Variants in ZMAT4 observed in about 807,000 individuals in gnomAD.
The protein encoded by ZMAT4 is zinc finger matrin-type protein 4.
A neutral mutation model predicts 28.7 loss-of-function variants in ZMAT4; 17 were observed. The ratio of observed to expected loss-of-function variants is 0.59; its 90% CI spans 0.41 to 0.89. The LOEUF (loss-of-function observed/expected upper bound fraction) is 0.89, where lower values mean the gene tolerates loss of function less well. Among genes scored for constraint, ZMAT4 ranks in the 40% least tolerant of loss-of-function variants. The pLI is 0.00. For missense variants in ZMAT4, 240 were observed against 283.8 expected (o/e 0.85, Z 1.11); for synonymous variants, 117 against 109.2 (o/e 1.07, Z -0.44).
intron 3 of ZMAT4, among the ~76,000 whole-genome samples, chr8:40,739,489 A>G (rs1430290366): frequency 6.6e-6 from 1 of 152,106 alleles, no homozygotes; most frequent in African/African-American, 2.4e-5. Context: ...GATTCTGGAA[A>G]TTCTTTAATT....
chr8:40,828,385 C>T (rs1245679621), intron 1 of ZMAT4, among the ~76,000 whole-genome samples: 1 of 152,068 alleles, frequency 6.6e-6, no homozygotes, highest in African/African-American at 2.4e-5. Flanking sequence ...ATAGGAATCT[C>T]CAAACTCACT....
intron 1 of ZMAT4, among the ~76,000 whole-genome samples, chr8:40,893,275 G>A (rs1249453725): frequency 3.3e-5 from 5 of 152,172 alleles, no homozygotes; most frequent in Admixed American, 6.5e-5. Context: ...TGCAGGCTCC[G>A]AGAGCTTCCA....
intron 5 of ZMAT4, among the ~76,000 whole-genome samples, chr8:40,624,695 G>A (rs1462092879): frequency 6.6e-6 from 1 of 152,090 alleles, no homozygotes; most frequent in African/African-American, 2.4e-5. Flanking sequence ...TCCTGCCTAG[G>A]ACTAAAGGAT....
At chr8:40,685,053 T>C (rs1468393859) in intron 4 of ZMAT4, among the ~76,000 whole-genome samples, 1 of 152,220 alleles carries the variant, frequency 6.6e-6, no homozygotes, top group Non-Finnish European at 1.5e-5. Flanking sequence ...ATATTAGTTA[T>C]GCATATATTT....
chr8:40,797,106 C>A (rs1312220271), intron 2 of ZMAT4, among the ~76,000 whole-genome samples: 2 of 152,178 alleles, frequency 1.3e-5, no homozygotes, highest in African/African-American at 4.8e-5. Flanking sequence ...GTGCCATCCA[C>A]CTGGAGTGTC....
chr8:40,639,792 ACAC>A lies in ZMAT4; in HGVS notation c.577+34909_577+34911del, dbSNP rs1299078220. 3.9e-5 allele frequency among the ~76,000 whole-genome samples: 6 copies of A among 152,010 alleles called. No individual in the cohort carries two copies. The East Asian group carries it at 1.2e-3, about 29-fold the overall frequency. ...TTGTTACACACACACACACACACAC[ACAC>A]ACACACATTCTTTGTATATATTCTA... On this transcript the variant is annotated intron_variant, in intron 5 of 6. Transcript: ENST00000297737.
chr8:40,839,814 G>A (rs1381322464), intron 1 of ZMAT4, among the ~76,000 whole-genome samples: 1 of 152,238 alleles, frequency 6.6e-6, no homozygotes, highest in Non-Finnish European at 1.5e-5. Flanking sequence ...TTGGAAGAGT[G>A]AGGGGGTGGA....
intron 3 of ZMAT4, among the ~76,000 whole-genome samples, chr8:40,732,702 G>A (rs1042905889): frequency 5.3e-5 from 8 of 152,160 alleles, no homozygotes; most frequent in Non-Finnish European, 5.9e-5. Flanking sequence ...ACGTTATGGG[G>A]TAGGCCTTCA....
intron 5 of ZMAT4, among the ~76,000 whole-genome samples, chr8:40,589,979 T>TCCTTCCTTCCTTCCTCCCTC (rs1804830780): frequency 1.8e-5 from 1 of 55,516 alleles, no homozygotes; most frequent in Non-Finnish European, 3.5e-5. Context: ...CTCCCTTCCT[T>TCCTTCCTTCCTTCCTCCCTC]CCTTCCTTCC....
At chr8:40,769,840 C>T (rs1196891102) in intron 2 of ZMAT4, among the ~76,000 whole-genome samples, 10 of 150,788 alleles carry the variant, frequency 6.6e-5, no homozygotes, top group Non-Finnish European at 1.0e-4. Flanking sequence ...AAAAGACCTT[C>T]TAGTAAAGGC....
chr8:40,858,602 T>C (rs968316474), intron 1 of ZMAT4, among the ~76,000 whole-genome samples: 3 of 152,178 alleles, frequency 2.0e-5, no homozygotes, highest in African/African-American at 7.2e-5. Flanking sequence ...CCCAGAGGAA[T>C]GACTAACTGG....
At chr8:40,786,545 G>C (rs941010372) in intron 2 of ZMAT4, 40 of 436,686 alleles carry the variant, frequency 9.2e-5, no homozygotes, top group Admixed American at 3.1e-4. Flanking sequence ...GGAATGTGAA[G>C]TATTTTGGTT....
chr8:40,873,225 G>A (rs1216397701), intron 1 of ZMAT4, among the ~76,000 whole-genome samples: 2 of 152,202 alleles, frequency 1.3e-5, no homozygotes, highest in African/African-American at 4.8e-5. Flanking sequence ...ACTGCCACAT[G>A]TGCACAGAAA....
At chr8:40,746,259 CCCTCCCTT>C (rs1812216736) in intron 3 of ZMAT4, among the ~76,000 whole-genome samples, 2 of 35,868 alleles carry the variant, frequency 5.6e-5, no homozygotes, top group South Asian at 1.2e-3. Context: ...CTCCCTCCCT[CCCTCCCTT>C]CCTTCCTTTC....
intron 1 of ZMAT4, among the ~76,000 whole-genome samples, chr8:40,881,433 GAGAAAGAAAGAAAGAAAGAAAGAAAGAA>G (rs35018481): frequency 4.4e-4 from 31 of 70,316 alleles, no homozygotes; most frequent in South Asian, 2.1e-3. Context: ...AGAAGAAAGA[GAGAAAGAAAGAAAGAAAGAAAGAAAGAA>G]AGAAAGAAAG....
rs1186607940 is a variant in ZMAT4, at chr8:40,879,727, A to G, written c.-5+17956T>C. Reference sequence around the variant, plus strand: ...TATAAAGAAGAAAACAAAAATCATCAATCATCTTACCATCCAGAGAGAATC... The same window carrying G: ...TATAAAGAAGAAAACAAAAATCATCGATCATCTTACCATCCAGAGAGAATC... On this transcript the variant is annotated intron_variant, in intron 1 of 6. Transcript: ENST00000297737. Among the ~76,000 whole-genome samples, 4 of 152,326 alleles carry G rather than the reference A, an allele frequency of 2.6e-5. No homozygotes were observed. The East Asian group carries it at 7.7e-4, about 29-fold the overall frequency.
intron 1 of ZMAT4, among the ~76,000 whole-genome samples, chr8:40,886,085 T>C (rs17648614): frequency 0.082 from 12,407 of 152,222 alleles, 564 homozygotes; most frequent in Admixed American, 0.12. Context: ...TGTCAAAAGC[T>C]CATATCTCCT....
chr8:40,550,159 G>A (rs925290853), intron 6 of ZMAT4, among the ~76,000 whole-genome samples: 12 of 152,104 alleles, frequency 7.9e-5, no homozygotes, highest in Admixed American at 5.2e-4. Context: ...CCCAGACCAT[G>A]AATGCAGCAG....
intron 3 of ZMAT4, among the ~76,000 whole-genome samples, chr8:40,716,748 C>T (rs1810872717): frequency 6.6e-6 from 1 of 152,116 alleles, no homozygotes; most frequent in Admixed American, 6.6e-5. Context: ...AATGTCTCGC[C>T]CTCTAGCAGG....
Sources: allele counts gnomAD v4.1 joint callset (sites outside exome capture counted in the v4.1 genomes callset), GRCh38; gene constraint gnomAD v4.1.1; transcripts MANE v1.5; gene names NCBI Gene and HGNC (gene_info 2026-07-23, HGNC 2026-07-21).